Variants in TASP1 observed in about 807,000 individuals in gnomAD.
TASP1 encodes the protein threonine aspartase 1.
TASP1 carries 16 observed loss-of-function variants against 56.6 expected under a neutral mutation model. The ratio of observed to expected loss-of-function variants is 0.28; its 90% CI spans 0.19 to 0.43. The LOEUF is 0.43. Ranked by LOEUF, TASP1 falls within the 20% of genes least tolerant of loss-of-function variation. The pLI, the probability that TASP1 is intolerant of heterozygous loss-of-function variation, is 1.00. For synonymous variants in TASP1, 179 were observed against 184.2 expected (o/e 0.97, Z 0.23); for missense variants, 393 against 511.6 (o/e 0.77, Z 2.24).
downstream of TASP1, among the ~76,000 whole-genome samples, chr20:13,384,859 C>T (rs1001300316): frequency 1.3e-5 from 2 of 152,184 alleles, no homozygotes; most frequent in Non-Finnish European, 2.9e-5. Flanking sequence ...CTTGGGCCAG[C>T]GTTCCTGGGA....
At chr20:13,136,110 GA>G in the TASP1 span, among the ~76,000 whole-genome samples, 1 of 152,138 alleles carries the variant, frequency 6.6e-6, no homozygotes, top group Admixed American at 6.5e-5. Flanking sequence ...TAGGAAAAAT[GA>G]AATTCTCTAT....
At chr20:13,394,385 C>T (rs1194164071) in intron 13 of TASP1, among the ~76,000 whole-genome samples, 10 of 148,484 alleles carry the variant, frequency 6.7e-5, no homozygotes, top group Admixed American at 2.0e-4. Flanking sequence ...CCAAGGCGGG[C>T]GGATCACGAG....
At chr20:13,299,621 C>G in the TASP1 span, 5 of 712,172 alleles carry the variant, frequency 7.0e-6, no homozygotes, top group Non-Finnish European at 1.1e-5. This position sits in a 1 kb window ranked among gnomAD's most constrained non-coding sequence, Gnocchi z 5.8. Flanking sequence ...GTGTGCCACG[C>G]CCAGGGGACT....
At chr20:13,474,491 T>C (rs1472694289) in intron 11 of TASP1, among the ~76,000 whole-genome samples, 1 of 152,244 alleles carries the variant, frequency 6.6e-6, no homozygotes, top group South Asian at 2.1e-4. Flanking sequence ...TTGAATAGTA[T>C]TCCATGGTGT....
chr20:13,476,761 A>G (rs13039162), intron 11 of TASP1, among the ~76,000 whole-genome samples: 67,881 of 151,876 alleles, frequency 0.45, 15,318 homozygotes, highest in Non-Finnish European at 0.46. Flanking sequence ...GCCCAAAGAG[A>G]TACGCTTAAT....
At chr20:13,313,414 ACTATTCAAACC>A in the TASP1 span, among the ~76,000 whole-genome samples, 1 of 152,230 alleles carries the variant, frequency 6.6e-6, no homozygotes, top group Non-Finnish European at 1.5e-5. Flanking sequence ...CAGGCAGCCA[ACTATTCAAACC>A]CTGTTCAAAT....
At chr20:13,122,385 G>A in the TASP1 span, among the ~76,000 whole-genome samples, 1 of 152,210 alleles carries the variant, frequency 6.6e-6, no homozygotes, top group Non-Finnish European at 1.5e-5. Flanking sequence ...CTGGGTTAGG[G>A]AAAGTACCGC....
chr20:13,529,860 G>A (rs1189732783), intron 9 of TASP1, among the ~76,000 whole-genome samples: 1 of 152,182 alleles, frequency 6.6e-6, no homozygotes, highest in Non-Finnish European at 1.5e-5. Context: ...TCTACCCAGA[G>A]CGGGAATCTC....
intron 13 of TASP1, among the ~76,000 whole-genome samples, chr20:13,407,171 T>C (rs1046383485): frequency 6.6e-6 from 1 of 152,198 alleles, no homozygotes; most frequent in Non-Finnish European, 1.5e-5. Flanking sequence ...ATTTGCAAAA[T>C]GTGCAATGTT....
At chr20:13,608,153 C>T (rs779174106) in intron 4 of TASP1, among the ~76,000 whole-genome samples, 10 of 152,156 alleles carry the variant, frequency 6.6e-5, no homozygotes, top group African/African-American at 1.2e-4. Context: ...CAAACTAACA[C>T]TAGTAAAACT....
intron 11 of TASP1, among the ~76,000 whole-genome samples, chr20:13,448,121 A>C (rs2043479522): frequency 6.6e-6 from 1 of 152,126 alleles, no homozygotes; most frequent in Non-Finnish European, 1.5e-5. Flanking sequence ...TAATTTTAGA[A>C]CTTCAGTTCT....
chr20:13,257,868 G>A, the TASP1 span, among the ~76,000 whole-genome samples: 3 of 152,082 alleles, frequency 2.0e-5, no homozygotes, highest in Non-Finnish European at 2.9e-5. Flanking sequence ...GGAGGCCAGG[G>A]AATTCAAAGT....
At chr20:13,360,650 G>T in the TASP1 span, among the ~76,000 whole-genome samples, 4 of 152,176 alleles carry the variant, frequency 2.6e-5, no homozygotes, top group African/African-American at 7.2e-5. Flanking sequence ...CACAAACTGT[G>T]CTCAACTCAC....
the TASP1 span, among the ~76,000 whole-genome samples, chr20:13,265,131 C>A: frequency 6.6e-6 from 1 of 152,196 alleles, no homozygotes; most frequent in Admixed American, 6.5e-5. Flanking sequence ...CATTTCAGCT[C>A]TGAAACCCTT....
intron 11 of TASP1, among the ~76,000 whole-genome samples, chr20:13,476,637 A>C (rs1238160350): frequency 6.6e-6 from 1 of 152,176 alleles, no homozygotes; most frequent in Non-Finnish European, 1.5e-5. Flanking sequence ...CTCTCATAGT[A>C]ACCAGCAAAG....
chr20:13,378,368 A>G, the TASP1 span, among the ~76,000 whole-genome samples: 4 of 152,164 alleles, frequency 2.6e-5, no homozygotes, highest in Non-Finnish European at 2.9e-5. Flanking sequence ...TTCAGCTTCC[A>G]TGTAGTTGTG....
At chr20:13,438,937 A>G (rs1232930237) in intron 11 of TASP1, among the ~76,000 whole-genome samples, 2 of 152,222 alleles carry the variant, frequency 1.3e-5, no homozygotes. Flanking sequence ...AGAGAAATGC[A>G]TATCAAAACC....
chr20:13,545,397 C>A (rs2045770809), intron 8 of TASP1, among the ~76,000 whole-genome samples: 1 of 152,110 alleles, frequency 6.6e-6, no homozygotes, highest in Admixed American at 6.5e-5. Context: ...CAAATAGCCA[C>A]AAGGATGGGC....
chr20:13,173,446 G>A, the TASP1 span, among the ~76,000 whole-genome samples: 1 of 152,140 alleles, frequency 6.6e-6, no homozygotes, highest in Non-Finnish European at 1.5e-5. Flanking sequence ...AAGTATGGAT[G>A]CACTCACCTA....
Sources: allele counts gnomAD v4.1 joint callset (sites outside exome capture counted in the v4.1 genomes callset), GRCh38; gene constraint gnomAD v4.1.1; non-coding constraint Gnocchi (gnomAD v3.1); transcripts MANE v1.5; gene names NCBI Gene and HGNC (gene_info 2026-07-23, HGNC 2026-07-21).